Variants in TRIM49C observed in about 807,000 individuals in gnomAD.
TRIM49C encodes tripartite motif containing 49C.
TRIM49C carries 6 observed loss-of-function variants against 21.4 expected under a neutral mutation model. That is an observed-to-expected ratio of 0.28 (90% CI 0.15 to 0.55). TRIM49C has a LOEUF of 0.55. TRIM49C is among the 20% of genes least tolerant of loss of function. The pLI is 0.94. For missense variants in TRIM49C, 161 were observed against 442.4 expected (o/e 0.36, Z 5.71); for synonymous variants, 57 against 148.1 (o/e 0.38, Z 4.47).
chr11:90,062,812 T>C, the TRIM49C span: 1 of 1,417,936 alleles, frequency 7.1e-7, no homozygotes, highest in East Asian at 2.6e-5. Flanking sequence ...GTGTTGAAGT[T>C]GGGCTTCTCT....
downstream of TRIM49C, among the ~76,000 whole-genome samples, chr11:90,043,268 T>C (rs1408026899): frequency 1.4e-5 from 2 of 140,244 alleles, 1 homozygote. Flanking sequence ...CTACTAAACA[T>C]TCCTTTAGAA....
the TRIM49C span, among the ~76,000 whole-genome samples, chr11:90,069,203 C>T: frequency 7.7e-6 from 1 of 129,568 alleles, no homozygotes; most frequent in Non-Finnish European, 1.6e-5. Flanking sequence ...CTCCCGGGTT[C>T]ACGCCATTCT....
At chr11:90,073,098 C>T in the TRIM49C span, 1 of 716,440 alleles carries the variant, frequency 1.4e-6, no homozygotes, top group Admixed American at 2.4e-5. Flanking sequence ...TGGGACTGGG[C>T]TCTGGGAGTC....
the TRIM49C span, chr11:90,062,719 G>A: frequency 8.0e-6 from 12 of 1,492,914 alleles, 2 homozygotes; most frequent in Middle Eastern, 4.7e-4. Flanking sequence ...TCCGCATGGA[G>A]CACACAGATA....
chr11:90,069,249 C>G, the TRIM49C span, among the ~76,000 whole-genome samples: 1 of 123,160 alleles, frequency 8.1e-6, no homozygotes, highest in Admixed American at 8.5e-5. Flanking sequence ...GGACTACAGG[C>G]GCTCGCCACC....
the TRIM49C span, chr11:90,057,803 G>T: frequency 1.1e-4 from 141 of 1,228,262 alleles, 22 homozygotes; most frequent in Middle Eastern, 4.4e-4. Context: ...TATAGTGATT[G>T]CTCCTCTTTG....
the TRIM49C span, among the ~76,000 whole-genome samples, chr11:90,066,791 G>T: frequency 1.5e-5 from 2 of 133,990 alleles, 1 homozygote; most frequent in African/African-American, 5.3e-5. Flanking sequence ...TTTTCGAGAC[G>T]CAGTCTCCCT....
chr11:90,072,142 T>G, the TRIM49C span, among the ~76,000 whole-genome samples: 1 of 141,700 alleles, frequency 7.1e-6, no homozygotes, highest in South Asian at 2.4e-4. Flanking sequence ...TTCAGTGCAG[T>G]TAATGACTGA....
At chr11:90,046,218 A>T (rs1212137857), downstream of TRIM49C, among the ~76,000 whole-genome samples, 3 of 125,960 alleles carry the variant, frequency 2.4e-5, 1 homozygote, top group African/African-American at 9.6e-5. Context: ...GATGTTCATC[A>T]GGGATATTGG....
At chr11:90,031,400 T>C (rs1279943346) in intron 1 of TRIM49C, among the ~76,000 whole-genome samples, 156 bp downstream of exon 1, 2 of 141,590 alleles carry the variant, frequency 1.4e-5, no homozygotes, top group African/African-American at 5.1e-5. Context: ...TTCTGGACCA[T>C]TGGCAAAGAA....
the TRIM49C span, among the ~76,000 whole-genome samples, chr11:90,072,415 G>A: frequency 6.8e-6 from 1 of 147,734 alleles, no homozygotes; most frequent in South Asian, 2.3e-4. Flanking sequence ...TTCTGGCAAG[G>A]AATCTGCACT....
rs1257092453 is a variant in TRIM49C at position 90,033,403 on chromosome 11, C to T, written c.-5+821C>T. 2.2e-5 allele frequency among the ~76,000 whole-genome samples: 3 copies of T among 135,632 alleles called. 1 individual carries two copies. Among genetic ancestry groups the T allele is most frequent in the Non-Finnish European group, 4.8e-5 (3 of 62,708 alleles). The allele number at this position is 135,632 out of a possible 152,430, so 89.0% of individuals were successfully genotyped here. On this transcript the variant is annotated intron_variant, in intron 2 of 7. Coordinates refer to ENST00000448984, the MANE Select transcript of TRIM49C (RefSeq NM_001195234.1). ...TACATTCATGGGCCATTTGAGTCAG[C>T]CACAGACCACATATGGTGGTCCCAT...
the TRIM49C span, chr11:90,063,141 C>T: frequency 1.8e-6 from 1 of 548,678 alleles, no homozygotes; most frequent in African/African-American, 2.4e-5. Flanking sequence ...AGCTCCAGTA[C>T]AAACTGAGAC....
the TRIM49C span, among the ~76,000 whole-genome samples, chr11:90,071,986 A>C: frequency 2.1e-5 from 3 of 141,570 alleles, 1 homozygote; most frequent in Non-Finnish European, 4.6e-5. Flanking sequence ...CCATATAACA[A>C]ATTTCTTGGA....
At chr11:90,042,346 A>T (rs1440803500), downstream of TRIM49C, among the ~76,000 whole-genome samples, 2 of 133,212 alleles carry the variant, frequency 1.5e-5, no homozygotes, top group Non-Finnish European at 3.2e-5. Flanking sequence ...TGTGTTTCAA[A>T]AAACATTATG....
chr11:90,052,033 C>A, the TRIM49C span: 2 of 710,856 alleles, frequency 2.8e-6, 1 homozygote, highest in South Asian at 4.2e-5. Context: ...GGGTGCCTTG[C>A]TGAGGCGGAC....
chr11:90,069,408 C>A, the TRIM49C span, among the ~76,000 whole-genome samples: 1 of 130,824 alleles, frequency 7.6e-6, no homozygotes, highest in Non-Finnish European at 1.6e-5. Flanking sequence ...AGCCACCGTG[C>A]CTGGCCCAAA....
chr11:90,039,740 ATT>A, intron 6 of TRIM49C, 123 bp from the exon 7 acceptor site: 1 of 847,750 alleles, frequency 1.2e-6, no homozygotes, highest in Non-Finnish European at 1.7e-6. Context: ...AAAAGGAAGG[ATT>A]AATTTTTGAA....
At chr11:90,039,161 C>T (rs1284772728) in intron 6 of TRIM49C, among the ~76,000 whole-genome samples, 2 of 132,698 alleles carry the variant, frequency 1.5e-5, no homozygotes, top group African/African-American at 2.7e-5. Context: ...CCCCGTGATC[C>T]GCCCGCCTCG....
Sources: allele counts gnomAD v4.1 joint callset (sites outside exome capture counted in the v4.1 genomes callset), GRCh38; gene constraint gnomAD v4.1.1; transcripts MANE v1.5; gene names NCBI Gene and HGNC (gene_info 2026-07-23, HGNC 2026-07-21).